Variants in CCBE1 observed in about 807,000 individuals in gnomAD.
The protein encoded by CCBE1 is collagen and calcium binding EGF domains 1.
In CCBE1, 37 loss-of-function variants were observed where a neutral mutation model predicts 50.0. The ratio of observed to expected loss-of-function variants is 0.74; its 90% CI spans 0.57 to 0.97. CCBE1 has a LOEUF of 0.97. CCBE1 is among the 50% of genes least tolerant of loss of function. The pLI is 0.00. For missense variants in CCBE1, 538 were observed against 523.8 expected (o/e 1.03, Z -0.26); for synonymous variants, 234 against 203.7 (o/e 1.15, Z -1.27).
intron 2 of CCBE1, among the ~76,000 whole-genome samples, chr18:59,638,031 A>C (rs533489654): frequency 1.3e-5 from 2 of 152,336 alleles, no homozygotes; most frequent in South Asian, 4.1e-4. Context: ...ACCATGAGAA[A>C]AGAAAATTAC....
At chr18:59,542,198 A>C (rs933621709) in intron 2 of CCBE1, among the ~76,000 whole-genome samples, 1 of 145,822 alleles carries the variant, frequency 6.9e-6, no homozygotes, top group African/African-American at 2.5e-5. Context: ...AATTCCCTAC[A>C]ATTAGAGCTA....
chr18:59,439,375 GA>G (rs1910307931), intron 9 of CCBE1, among the ~76,000 whole-genome samples, 167 bp downstream of exon 9: 1 of 152,194 alleles, frequency 6.6e-6, no homozygotes, highest in South Asian at 2.1e-4. Context: ...TGAGGCGGGA[GA>G]ATTGGGCTTG....
At chr18:59,455,030 G>T in intron 5 of CCBE1, 79 bp from the exon 6 acceptor site, 1 of 1,130,970 alleles carries the variant, frequency 8.8e-7, no homozygotes, top group Non-Finnish European at 1.3e-6. Context: ...CGGGAAGGGC[G>T]GTCCCAGGGA....
intron 2 of CCBE1, among the ~76,000 whole-genome samples, chr18:59,573,696 CCTA>C (rs2052951258): frequency 6.6e-6 from 1 of 151,980 alleles, no homozygotes; most frequent in Non-Finnish European, 1.5e-5. Context: ...TATCTTAAAT[CCTA>C]CTGCCTACAC....
intron 7 of CCBE1, among the ~76,000 whole-genome samples, chr18:59,441,003 G>A (rs1910396041): frequency 6.6e-6 from 1 of 152,180 alleles, no homozygotes; most frequent in Non-Finnish European, 1.5e-5. Context: ...CCTTCCATTG[G>A]AGGAATTATT....
rs79502796 is a variant in CCBE1 at position 59,521,952 on chromosome 18, T to C, written c.213-41714A>G. 3.5e-3 allele frequency among the ~76,000 whole-genome samples: 533 copies of C among 152,340 alleles called. 3 individuals carry two copies. The highest frequency in any genetic ancestry group is 0.012 in the African/African-American group (516 of 41,596). ...TAATTCTCATATATGCTGTTTACATTTTATTGTATAATGCCTATACACAAT... is the reference window on the plus strand; with the variant it reads ...TAATTCTCATATATGCTGTTTACATCTTATTGTATAATGCCTATACACAAT... On this transcript the variant is annotated intron_variant, in intron 2 of 10. Transcript: ENST00000439986.
intron 3 of CCBE1, among the ~76,000 whole-genome samples, chr18:59,479,287 A>G (rs1417073293): frequency 6.6e-6 from 1 of 151,910 alleles, no homozygotes; most frequent in East Asian, 1.9e-4. Context: ...TCTACTTTCT[A>G]CTTGTTTAAG....
At chr18:59,448,551 C>T (rs529438389) in intron 6 of CCBE1, among the ~76,000 whole-genome samples, 48 of 152,238 alleles carry the variant, frequency 3.2e-4, no homozygotes, top group Non-Finnish European at 6.2e-4. Context: ...GAGTTAGGAC[C>T]GAGAACATGG....
intron 2 of CCBE1, among the ~76,000 whole-genome samples, chr18:59,514,932 AG>A (rs1914304022): frequency 6.6e-6 from 1 of 152,184 alleles, no homozygotes; most frequent in African/African-American, 2.4e-5. Context: ...CAATAACCCA[AG>A]GGGCCAGGTT....
At chr18:59,535,938 T>G (rs1309968771) in intron 2 of CCBE1, among the ~76,000 whole-genome samples, 1 of 152,238 alleles carries the variant, frequency 6.6e-6, no homozygotes, top group Non-Finnish European at 1.5e-5. Flanking sequence ...TCCTCCCGCC[T>G]TGGCTTCCCA....
chr18:59,638,779 T>TA (rs1329586189), intron 2 of CCBE1, among the ~76,000 whole-genome samples: 1 of 152,172 alleles, frequency 6.6e-6, no homozygotes, highest in African/African-American at 2.4e-5. Context: ...AATACAACTT[T>TA]AAAAGGATAG....
chr18:59,685,254 A>G (rs1376798928), intron 2 of CCBE1, among the ~76,000 whole-genome samples: 1 of 152,178 alleles, frequency 6.6e-6, no homozygotes, highest in Non-Finnish European at 1.5e-5. Flanking sequence ...GCTCAGCTTA[A>G]GAAACCAAGA....
At chr18:59,642,745 C>T (rs1337272025) in intron 2 of CCBE1, among the ~76,000 whole-genome samples, 1 of 151,690 alleles carries the variant, frequency 6.6e-6, no homozygotes, top group Non-Finnish European at 1.5e-5. Context: ...GTCAAGAGTT[C>T]GAGAGCAGCC....
chr18:59,505,298 G>C (rs1913819735), intron 2 of CCBE1, among the ~76,000 whole-genome samples: 1 of 152,098 alleles, frequency 6.6e-6, no homozygotes, highest in Non-Finnish European at 1.5e-5. Flanking sequence ...ATGAAACCAA[G>C]AGATACCCCA....
At chr18:59,687,211 A>T (rs117139721) in intron 2 of CCBE1, among the ~76,000 whole-genome samples, 1 of 152,244 alleles carries the variant, frequency 6.6e-6, no homozygotes, top group Admixed American at 6.5e-5. Flanking sequence ...TGGCTTACAG[A>T]TGCCCTCCAA....
chr18:59,529,815 C>T (rs1914979123), intron 2 of CCBE1, among the ~76,000 whole-genome samples: 4 of 152,158 alleles, frequency 2.6e-5, no homozygotes, highest in Admixed American at 2.6e-4. Context: ...CTCCTAGCCC[C>T]TGGTGGCATT....
chr18:59,682,267 CAGG>C (rs1170423098), intron 2 of CCBE1, among the ~76,000 whole-genome samples: 1 of 152,142 alleles, frequency 6.6e-6, no homozygotes, highest in Non-Finnish European at 1.5e-5. Context: ...GAGGCTGAGG[CAGG>C]AGAATTGCTT....
intron 6 of CCBE1, among the ~76,000 whole-genome samples, chr18:59,449,736 G>T (rs563373476): frequency 6.6e-6 from 1 of 152,124 alleles, no homozygotes; most frequent in Non-Finnish European, 1.5e-5. Context: ...AAAATGTGCA[G>T]TTTCAACACA....
intron 5 of CCBE1, 187 bp from the exon 6 acceptor site, chr18:59,455,138 G>A (rs2143675927): frequency 4.4e-6 from 3 of 680,202 alleles, no homozygotes; most frequent in Admixed American, 2.0e-5. Flanking sequence ...GAAGAGGGGA[G>A]GACAGAGGGA....
Sources: gnomAD v4.1 joint callset for allele counts (sites outside exome capture counted in the v4.1 genomes callset) on GRCh38, gnomAD v4.1.1 for gene constraint, MANE v1.5 for transcripts, NCBI Gene and HGNC (gene_info 2026-07-23, HGNC 2026-07-21) for gene names.